SLC22A8: variants seen among roughly 807,000 people sequenced by gnomAD.
SLC22A8 encodes solute carrier family 22 member 8, also known as organic anion transporter 3.
A neutral mutation model predicts 48.4 loss-of-function variants in SLC22A8; 40 were observed. That is an observed-to-expected ratio of 0.83 (90% CI 0.64 to 1.08). The LOEUF is 1.08. Among genes scored for constraint, SLC22A8 ranks in the 50% least tolerant of loss-of-function variants. The pLI is 0.00. For synonymous variants in SLC22A8, 268 were observed against 286.3 expected (o/e 0.94, Z 0.65); for missense variants, 606 against 699.0 (o/e 0.87, Z 1.50).
chr11:62,998,839 T>A, intron 5 of SLC22A8, 82 bp downstream of exon 5: 3 of 1,294,762 alleles, frequency 2.3e-6, no homozygotes, highest in Non-Finnish European at 3.3e-6. Flanking sequence ...GACACAGAGT[T>A]GGCCAGCCTG....
chr11:63,013,254 A>T (rs1348831826), intron 2 of SLC22A8, among the ~76,000 whole-genome samples: 1 of 152,212 alleles, frequency 6.6e-6, no homozygotes, highest in South Asian at 2.1e-4. Flanking sequence ...CCTAAATTCA[A>T]ATCCTGCCTC....
Position 63,014,702 on chromosome 11 carries a change from T to C in SLC22A8, c.257A>G (p.Asn86Ser), listed in dbSNP as rs1338023381. 6.2e-7 allele frequency: 1 copy of C among 1,613,976 alleles called. No homozygotes were observed. Among genetic ancestry groups the C allele is most frequent in the Non-Finnish European group, 8.5e-7 (1 of 1,179,908 alleles). ...TGGCTCCATGGCCCTCTGGGTGTCA[T>C]TGGGCAGGCTGGCATTGGGCGGATG... ...FVHPPNASLP[N>S]DTQRAMEPCL... Residue 86 changes from asparagine to serine, a missense_variant, in exon 2 of 11, where the codon AAT becomes AGT. By Grantham distance (46) the Asn-to-Ser change is conservative. Transcript: ENST00000336232.
rs1302285594 is a variant in SLC22A8, at chr11:62,999,849, C to T, written c.438-7G>A. On this transcript the variant is annotated splice_polypyrimidine_tract_variant and splice_region_variant and intron_variant, in intron 3 of 10. Transcript: ENST00000336232. ...GATGGGCCTGCGGCCAAACCTGTAGCTCGAAGGAGAGGAGGGGCCAGGTTA... is the reference window on the plus strand; with the variant it reads ...GATGGGCCTGCGGCCAAACCTGTAGTTCGAAGGAGAGGAGGGGCCAGGTTA... The T allele has an allele frequency of 4.6e-6, 7 of 1,510,194 alleles. No homozygotes were observed. In the African/African-American group the frequency reaches 9.9e-5, roughly 21 times the overall value. The allele number at this position is 1,510,194 out of a possible 1,614,324, so 93.5% of individuals were successfully genotyped here. A position where few individuals can be genotyped will look rare whatever the true frequency, so the allele number is the denominator to read the frequency against.
chr11:62,999,994 G>T (rs2086472645), intron 3 of SLC22A8, 152 bp from the exon 4 acceptor site: 1 of 582,782 alleles, frequency 1.7e-6, no homozygotes, highest in Admixed American at 4.0e-5. Flanking sequence ...AGCTTTCTTG[G>T]TAATTGCTAT....
intron 5 of SLC22A8, 23 bp from the exon 6 acceptor site, chr11:62,996,175 A>G (rs1294070240): frequency 6.3e-7 from 1 of 1,577,442 alleles, no homozygotes; most frequent in Non-Finnish European, 8.6e-7. Flanking sequence ...GACCAGTCAC[A>G]GTGGCTCCTC....
chr11:62,994,353 C>T (rs1036202109), intron 8 of SLC22A8, 189 bp downstream of exon 8: 1 of 605,012 alleles, frequency 1.7e-6, no homozygotes, highest in African/African-American at 1.9e-5. Flanking sequence ...CAAGTCAGAT[C>T]TGGAAAGGAG....
rs200744153 is a variant in SLC22A8 at position 62,996,042 on chromosome 11, C to G, written c.872G>C (p.Arg291Thr). Residue 291 changes from arginine (R) to threonine (T), a missense_variant, in exon 6 of 11, where the codon AGG becomes ACG. By Grantham distance (71) the Arg-to-Thr change is moderately conservative. Transcript: ENST00000336232. ...CTCAGCCCCTACCTCCAAGCTGAGC[C>G]TTTCTCCCTCTTCCTTCTTGCCATT... Reference protein sequence around the residue: ...VFNGKKEEGERLSLEELKLNL... With the variant: ...VFNGKKEEGETLSLEELKLNL... 9.3e-6 allele frequency: 15 copies of G among 1,613,986 alleles called. No individual in the cohort carries two copies. The highest frequency in any genetic ancestry group is 1.3e-5 in the African/African-American group (1 of 74,900).
intron 6 of SLC22A8, 53 bp downstream of exon 6, chr11:62,995,976 C>T: frequency 6.2e-7 from 1 of 1,613,162 alleles, no homozygotes; most frequent in Non-Finnish European, 8.5e-7. Context: ...AGGGGCCAGC[C>T]CAAGAGTGGA....
rs750107998 is a variant in SLC22A8, at chr11:62,999,704, C to T, written c.576G>A (p.Leu192=). The T allele has an allele frequency of 2.5e-6, 4 of 1,586,414 alleles. No individual in the cohort carries two copies. Among genetic ancestry groups the T allele is most frequent in the Non-Finnish European group, 3.4e-6 (4 of 1,165,576 alleles). The change falls in exon 4 of 11, where the codon CTG becomes CTA. Residue 192 remains leucine (L), a synonymous_variant. Coordinates refer to ENST00000336232, the MANE Select transcript of SLC22A8 (RefSeq NM_004254.4). ...LCGFGISGIT[L]STVILNVEWV... is the part of the protein sequence containing the mutation. Reference sequence around the variant, plus strand: ...GCAGCTCACTCAAGATGACGGTGCTCAGGGTAATGCCTGAGATGCCAAAGC... The same window carrying T: ...GCAGCTCACTCAAGATGACGGTGCTTAGGGTAATGCCTGAGATGCCAAAGC...
chr11:63,002,251 T>C (rs2086504239), intron 2 of SLC22A8, among the ~76,000 whole-genome samples: 1 of 152,218 alleles, frequency 6.6e-6, no homozygotes, highest in East Asian at 1.9e-4. Context: ...TCATTTTTAA[T>C]TGGCAAATCA....
At chr11:63,000,922 C>A (rs1023132772) in intron 2 of SLC22A8, 99 bp from the exon 3 acceptor site, 4 of 896,194 alleles carry the variant, frequency 4.5e-6, no homozygotes, top group Non-Finnish European at 7.3e-6. Context: ...CCTCTCCCAG[C>A]GCCCTGACTT....
At chr11:62,995,572 G>T in intron 7 of SLC22A8, 132 bp downstream of exon 7, 1 of 674,996 alleles carries the variant, frequency 1.5e-6, no homozygotes, top group Non-Finnish European at 2.6e-6. Flanking sequence ...GGGCTGGGCT[G>T]TGGTGGCCCA....
At chr11:62,999,562 G>T (rs2086465571) in intron 4 of SLC22A8, 126 bp downstream of exon 4, 1 of 704,456 alleles carries the variant, frequency 1.4e-6, no homozygotes, top group Admixed American at 2.8e-5. Context: ...CTGAGGTCCT[G>T]AGAGGGGGTG....
In SLC22A8 at chr11:62,994,906, T is replaced by G. The variant is rs533098506; in HGVS notation, c.1002-150A>C. 9.0e-6 allele frequency: 6 copies of G among 666,032 alleles called. No individual in the cohort carries two copies. In the African/African-American group the frequency reaches 1.1e-4, roughly 12 times the overall value. The allele number at this position is 666,032 out of a possible 1,614,324, so 41.3% of individuals were successfully genotyped here. A position where few individuals can be genotyped will look rare whatever the true frequency, so the allele number is the denominator to read the frequency against. ...GGCTGCTTGAGTGTCCTTTTGAGGT[T>G]TCTGAGATCGTGTCTGGGCTCAGGG... On this transcript the variant is annotated intron_variant, in intron 7 of 10. Coordinates refer to ENST00000336232, the MANE Select transcript of SLC22A8 (RefSeq NM_004254.4).
At chr11:63,008,195 C>T (rs988697405) in intron 2 of SLC22A8, among the ~76,000 whole-genome samples, 3 of 152,220 alleles carry the variant, frequency 2.0e-5, no homozygotes, top group African/African-American at 7.2e-5. Context: ...TAGGTGGCCC[C>T]TGCAGAGCAT....
chr11:63,005,014 T>C (rs766219890), intron 2 of SLC22A8, among the ~76,000 whole-genome samples: 3 of 152,026 alleles, frequency 2.0e-5, no homozygotes, highest in Non-Finnish European at 4.4e-5. Context: ...AGGAGAGAAG[T>C]GTTTTTTCTT....
chr11:62,996,229 C>T, intron 5 of SLC22A8, 77 bp from the exon 6 acceptor site: 1 of 1,452,030 alleles, frequency 6.9e-7, no homozygotes, highest in African/African-American at 1.4e-5. Flanking sequence ...ACATCAACAG[C>T]CAGGGCCAAG....
chr11:63,010,981 G>C (rs1292953800), intron 2 of SLC22A8, among the ~76,000 whole-genome samples: 1 of 152,106 alleles, frequency 6.6e-6, no homozygotes, highest in Non-Finnish European at 1.5e-5. Context: ...CCTTCATTCA[G>C]TGTTGATTGA....
At chr11:62,999,125 G>A (rs779906993) in intron 4 of SLC22A8, 36 bp from the exon 5 acceptor site, 11 of 1,586,766 alleles carry the variant, frequency 6.9e-6, no homozygotes, top group Non-Finnish European at 9.5e-6. Flanking sequence ...TTAGTGTTCT[G>A]CTAGGTCCCA....
Sources: allele counts gnomAD v4.1 joint callset (sites outside exome capture counted in the v4.1 genomes callset), GRCh38; gene constraint gnomAD v4.1.1; transcripts MANE v1.5; gene names NCBI Gene and HGNC (gene_info 2026-07-23, HGNC 2026-07-21).